USP3: variants seen among roughly 807,000 people sequenced by gnomAD.
USP3 encodes the protein ubiquitin carboxyl-terminal hydrolase 3.
A neutral mutation model predicts 72.3 loss-of-function variants in USP3; 20 were observed. The observed-to-expected ratio is 0.28, with a 90% CI of 0.19 to 0.40. The LOEUF is 0.40. Among genes scored for constraint, USP3 ranks in the 10% least tolerant of loss-of-function variants. The pLI, the probability that USP3 is intolerant of heterozygous loss-of-function variation, is 1.00. For missense variants in USP3, 479 were observed against 633.9 expected, an observed-to-expected ratio of 0.76 and a Z score of 2.62; for synonymous variants, 222 against 225.3, an observed-to-expected ratio of 0.99 and a Z score of 0.13.
chr15:63,576,466 G>A (rs2152679884), intron 11 of USP3, among the ~76,000 whole-genome samples: 1 of 152,218 alleles, frequency 6.6e-6, no homozygotes, highest in African/African-American at 2.4e-5. Flanking sequence ...TAACATTTCA[G>A]TTACGACTTA....
chr15:63,560,038 C>A, intron 7 of USP3, 68 bp downstream of exon 7: 1 of 1,390,556 alleles, frequency 7.2e-7, no homozygotes, highest in Non-Finnish European at 9.9e-7. Context: ...TGGTGGTTTC[C>A]ATTGTACTAA....
intron 3 of USP3, among the ~76,000 whole-genome samples, chr15:63,548,582 C>T (rs912574990): frequency 3.3e-5 from 5 of 152,122 alleles, no homozygotes; most frequent in Admixed American, 2.0e-4. Context: ...CCCACCTTGG[C>T]CTCCCAAAGT....
intron 1 of USP3, among the ~76,000 whole-genome samples, chr15:63,505,319 G>A (rs1339966582): frequency 6.6e-6 from 1 of 152,182 alleles, no homozygotes; most frequent in Admixed American, 6.5e-5. Flanking sequence ...GGGGCGCGCG[G>A]GGCTCCTCTC....
At chr15:63,552,876 A>G (rs1242297227) in intron 3 of USP3, among the ~76,000 whole-genome samples, 3 of 152,212 alleles carry the variant, frequency 2.0e-5, no homozygotes, top group East Asian at 1.9e-4. Flanking sequence ...ATTCTTTGAT[A>G]GTAATAACAA....
intron 4 of USP3, 71 bp from the exon 5 acceptor site, chr15:63,556,596 T>C: frequency 7.9e-7 from 1 of 1,266,986 alleles, no homozygotes; most frequent in Non-Finnish European, 1.1e-6. Flanking sequence ...GCAGCTGGAG[T>C]TTATTCTTTC....
chr15:63,588,935 G>A lies in USP3; in HGVS notation c.1330-9G>A. On this transcript the variant is annotated splice_polypyrimidine_tract_variant and intron_variant, in intron 13 of 14. Transcript: ENST00000380324. This position sits in a 1 kb window ranked among gnomAD's most constrained non-coding sequence, Gnocchi z 4.6. ...CATTGACCACTGCTCCTTCTTCCTT[G>A]TTCTGTAGCCTGAGAACAGTGGCCC... 6.2e-7 allele frequency: 1 copy of A among 1,614,152 alleles called. No homozygotes were observed. The highest frequency in any genetic ancestry group is 8.5e-7 in the Non-Finnish European group (1 of 1,180,026).
intron 1 of USP3, among the ~76,000 whole-genome samples, chr15:63,531,726 T>A (rs2066078704): frequency 1.3e-5 from 2 of 152,204 alleles, no homozygotes; most frequent in African/African-American, 4.8e-5. Flanking sequence ...TTATTGAGCA[T>A]CTACAACGTG....
intron 8 of USP3, among the ~76,000 whole-genome samples, chr15:63,564,589 G>C (rs1436706512): frequency 6.6e-6 from 1 of 152,108 alleles, no homozygotes; most frequent in African/African-American, 2.4e-5. Flanking sequence ...TCTAGCTTCT[G>C]TAGCCCAACT....
intron 1 of USP3, among the ~76,000 whole-genome samples, chr15:63,521,209 T>C (rs2065916713): frequency 1.3e-5 from 2 of 151,948 alleles, no homozygotes; most frequent in Admixed American, 1.3e-4. Flanking sequence ...ATTTTCCTTA[T>C]TCTCTTTTTT....
chr15:63,513,366 G>A (rs1339332222), intron 1 of USP3, among the ~76,000 whole-genome samples: 1 of 152,026 alleles, frequency 6.6e-6, no homozygotes, highest in East Asian at 1.9e-4. Flanking sequence ...CCAAGCTCAG[G>A]TTTTTATTTT....
intron 11 of USP3, among the ~76,000 whole-genome samples, chr15:63,587,554 C>T (rs570402903): frequency 1.1e-4 from 16 of 152,272 alleles, no homozygotes; most frequent in African/African-American, 3.8e-4. Flanking sequence ...TTTATCGTTG[C>T]TTCACATAAG....
rs1467791331 is a variant in USP3 at position 63,570,351 on chromosome 15, C to T, written c.762-82C>T. 1 of 1,587,572 alleles carries T rather than the reference C, an allele frequency of 6.3e-7. No individual in the cohort carries two copies. Among genetic ancestry groups the T allele is most frequent in the Non-Finnish European group, 8.6e-7 (1 of 1,166,312 alleles). The stretch of plus-strand genomic sequence containing the variant: ...GTGAGCACGGGGCTGCCGTCCTTTT[C>T]CACGCCTTGGCCTCTTGCTGGTGTG... On this transcript the variant is annotated intron_variant, in intron 8 of 14. Coordinates refer to ENST00000380324, the MANE Select transcript of USP3 (RefSeq NM_006537.4). The surrounding 1 kb of genome is among the most constrained non-coding windows in gnomAD (Gnocchi z 4.4).
At chr15:63,505,259 G>A (rs921840689) in intron 1 of USP3, among the ~76,000 whole-genome samples, 6 of 152,150 alleles carry the variant, frequency 3.9e-5, no homozygotes, top group Non-Finnish European at 8.8e-5. Flanking sequence ...CTTCTCCGCA[G>A]ACAGGGCGGG....
chr15:63,550,765 T>C (rs1378799721), intron 3 of USP3, among the ~76,000 whole-genome samples: 1 of 152,218 alleles, frequency 6.6e-6, no homozygotes, highest in African/African-American at 2.4e-5. Context: ...AAAATATCTT[T>C]TTAACTTTTT....
rs1356940937 is a variant in USP3 at position 63,574,285 on chromosome 15, C to T, written c.1016-38C>T. ...AATTATTTTGAATGGACATATATGC[C>T]TTTAACAGCTCTCTGTTTACCTCTC... On this transcript the variant is annotated intron_variant, in intron 10 of 14. Transcript: ENST00000380324. The surrounding 1 kb of genome is among the most constrained non-coding windows in gnomAD (Gnocchi z 4.6). 6.5e-7 allele frequency: 1 copy of T among 1,539,616 alleles called. No individual in the cohort carries two copies. Among genetic ancestry groups the T allele is most frequent in the Middle Eastern group, 1.7e-4 (1 of 5,788 alleles).
chr15:63,581,902 C>T (rs781181498), intron 11 of USP3, among the ~76,000 whole-genome samples: 1 of 147,848 alleles, frequency 6.8e-6, no homozygotes, highest in African/African-American at 2.5e-5. Context: ...CCAGGCTGGT[C>T]TTGAATTCCT....
intron 9 of USP3, among the ~76,000 whole-genome samples, chr15:63,571,282 A>G (rs892840706): frequency 6.6e-6 from 1 of 152,186 alleles, no homozygotes; most frequent in African/African-American, 2.4e-5. Context: ...CAAGAAGACA[A>G]ACTCCCCCCA....
chr15:63,538,030 A>T (rs2066185578), intron 3 of USP3, among the ~76,000 whole-genome samples: 1 of 151,740 alleles, frequency 6.6e-6, no homozygotes, highest in African/African-American at 2.4e-5. Flanking sequence ...GGTTGGCAAC[A>T]GGTTCTGTTC....
chr15:63,512,313 C>G (rs886148093), intron 1 of USP3, among the ~76,000 whole-genome samples: 32 of 120,566 alleles, frequency 2.7e-4, no homozygotes, highest in African/African-American at 1.1e-3. Context: ...TCCTCTTCTT[C>G]TTCTTCCTCT....
Sources: allele counts gnomAD v4.1 joint callset (sites outside exome capture counted in the v4.1 genomes callset), GRCh38; gene constraint gnomAD v4.1.1; non-coding constraint Gnocchi (gnomAD v3.1); transcripts MANE v1.5; gene names NCBI Gene and HGNC (gene_info 2026-07-23, HGNC 2026-07-21).